KIF6: variants seen among roughly 807,000 people sequenced by gnomAD.
The protein encoded by KIF6 is kinesin family member 6, also known as kinesin-like protein KIF6.
In KIF6, 106 loss-of-function variants were observed where a neutral mutation model predicts 112.7. The observed-to-expected ratio is 0.94, with a 90% CI of 0.80 to 1.11. The LOEUF is 1.11. Among genes scored for constraint, KIF6 ranks in the 50% least tolerant of loss-of-function variants. The probability of loss-of-function intolerance (pLI) is 0.00; values close to 1 mark genes in which losing one functional copy is unlikely to be tolerated. For synonymous variants in KIF6, 339 were observed against 339.9 expected, an observed-to-expected ratio of 1.00 and a Z score of 0.03; for missense variants, 929 against 964.0, an observed-to-expected ratio of 0.96 and a Z score of 0.48.
rs1326236666 is a variant in KIF6, at chr6:39,346,086, C to CTCTCTCTCTCTCTCTCTCTCT, written c.2232-298_2232-297insAGAGAGAGAGAGAGAGAGAGA. Among the ~76,000 whole-genome samples the CTCTCTCTCTCTCTCTCTCTCT allele has an allele frequency of 1.2e-3, 32 of 26,998 alleles. 9 individuals carry two copies. The highest frequency in any genetic ancestry group is 3.3e-3 in the African/African-American group (19 of 5,796). The allele number at this position is 26,998 out of a possible 152,430, so 17.7% of individuals were successfully genotyped here. On this transcript the variant is annotated intron_variant, in intron 20 of 22. Transcript: ENST00000287152. Reference sequence around the variant, plus strand: ...TCTCTCTCTCTCTCTCTCTCTCTCTCCCCCCCCTCTCCCTCCCCCCCTCCC... The same window carrying CTCTCTCTCTCTCTCTCTCTCT: ...TCTCTCTCTCTCTCTCTCTCTCTCTCTCTCTCTCTCTCTCTCTCTCTCCCCCCCTCTCCCTCCCCCCCTCCC...
At position 39,331,440 on chromosome 6, in the gene KIF6, A is replaced by AGTG. The variant is rs1418621393; in HGVS notation, c.*5089_*5091dup. On this transcript the variant is annotated 3_prime_UTR_variant, in exon 23 of 23. Transcript: ENST00000287152. ...GCTCTTGTTGCCCAGGTTGGAGTGC[A>AGTG]GTGGCACGATCTCAGCTCACTGCAA... 6.6e-6 allele frequency: 1 copy of AGTG among 150,648 alleles called. No homozygotes were observed. The highest frequency in any genetic ancestry group is 1.5e-5 in the Non-Finnish European group (1 of 67,908). The allele number at this position is 150,648 out of a possible 1,614,324, so 9.3% of individuals were successfully genotyped here. A position where few individuals can be genotyped will look rare whatever the true frequency, so the allele number is the denominator to read the frequency against.
intron 13 of KIF6, among the ~76,000 whole-genome samples, chr6:39,489,281 C>T (rs1161898265): frequency 1.3e-5 from 2 of 151,942 alleles, no homozygotes; most frequent in Non-Finnish European, 1.5e-5. Flanking sequence ...AACAATTTTC[C>T]AAATTTTGTT....
intron 13 of KIF6, among the ~76,000 whole-genome samples, chr6:39,465,742 A>G (rs1459415146): frequency 2.0e-5 from 3 of 151,772 alleles, no homozygotes; most frequent in African/African-American, 7.3e-5. Context: ...TTCTTCTGCC[A>G]CTCCCCACCA....
intron 3 of KIF6, among the ~76,000 whole-genome samples, chr6:39,705,724 T>A (rs1789167904): frequency 6.6e-6 from 1 of 152,192 alleles, no homozygotes; most frequent in Admixed American, 6.5e-5. Flanking sequence ...GTACCCTGGC[T>A]TCTTTGCCCC....
At chr6:39,616,156 T>C (rs1402344442) in intron 5 of KIF6, among the ~76,000 whole-genome samples, 1 of 152,218 alleles carries the variant, frequency 6.6e-6, no homozygotes, top group Non-Finnish European at 1.5e-5. Flanking sequence ...AATAATTACA[T>C]GCATAAGGTA....
At chr6:39,456,257 A>G (rs1317770786) in intron 13 of KIF6, among the ~76,000 whole-genome samples, 1 of 85,726 alleles carries the variant, frequency 1.2e-5, no homozygotes, top group Non-Finnish European at 2.3e-5. Flanking sequence ...AGAATTTCAT[A>G]TCCAGCCAAA....
chr6:39,385,521 A>G, intron 16 of KIF6, 101 bp downstream of exon 16: 1 of 955,012 alleles, frequency 1.0e-6, no homozygotes, highest in Non-Finnish European at 1.7e-6. Flanking sequence ...AACCTCAGAG[A>G]GGGTTTTAAA....
At chr6:39,388,385 C>T (rs112302088) in intron 15 of KIF6, among the ~76,000 whole-genome samples, 2,861 of 151,884 alleles carry the variant, frequency 0.019, 50 homozygotes, top group Middle Eastern at 0.037. Flanking sequence ...CCACCACAAG[C>T]ATAAATACTC....
At chr6:39,547,572 TA>T (rs1561798053) in intron 10 of KIF6, among the ~76,000 whole-genome samples, 1 of 152,180 alleles carries the variant, frequency 6.6e-6, no homozygotes, top group Admixed American at 6.5e-5. Flanking sequence ...CACCTTTTTT[TA>T]AAAAAATTTG....
chr6:39,375,703 C>T (rs1766387203), intron 16 of KIF6, among the ~76,000 whole-genome samples: 1 of 152,146 alleles, frequency 6.6e-6, no homozygotes. Context: ...CTTTCCTGGG[C>T]CCGCAGCTTG....
chr6:39,554,410 C>A (rs1400337255), intron 10 of KIF6: 1 of 160,320 alleles, frequency 6.2e-6, no homozygotes, highest in South Asian at 1.7e-4. Context: ...AGCTCACCAC[C>A]TGTGGCTGTG....
At chr6:39,569,287 T>C (rs892957380) in intron 10 of KIF6, among the ~76,000 whole-genome samples, 1 of 152,228 alleles carries the variant, frequency 6.6e-6, no homozygotes, top group Non-Finnish European at 1.5e-5. Context: ...ACTAGGACTG[T>C]ATTAACTCAA....
chr6:39,438,537 T>A (rs539126468), intron 13 of KIF6, among the ~76,000 whole-genome samples: 7 of 152,068 alleles, frequency 4.6e-5, no homozygotes, highest in South Asian at 2.1e-4. Context: ...AAATGAAAAA[T>A]TTTTAAAATA....
chr6:39,412,418 G>A (rs1769548237), intron 15 of KIF6, among the ~76,000 whole-genome samples: 1 of 152,200 alleles, frequency 6.6e-6, no homozygotes. Flanking sequence ...CTTTTCAAGA[G>A]TCCCGTGATC....
rs1337868161 is a variant in KIF6, at chr6:39,334,712, T to G, written c.*1820A>C. On this transcript the variant is annotated 3_prime_UTR_variant, in exon 23 of 23. Transcript: ENST00000287152. Reference sequence around the variant, plus strand: ...GGGCACTAAGGCATGCCAAGAATACTGCTGCTGCTACATAGGGGACTGGGG... The same window carrying G: ...GGGCACTAAGGCATGCCAAGAATACGGCTGCTGCTACATAGGGGACTGGGG... The G allele has an allele frequency of 6.6e-6, 1 of 152,342 alleles. No individual in the cohort carries two copies. The highest frequency in any genetic ancestry group is 1.5e-5 in the Non-Finnish European group (1 of 68,154). The allele number at this position is 152,342 out of a possible 1,614,324, so 9.4% of individuals were successfully genotyped here. A position where few individuals can be genotyped will look rare whatever the true frequency, so the allele number is the denominator to read the frequency against.
chr6:39,593,007 T>A, intron 7 of KIF6, among the ~76,000 whole-genome samples: 1 of 152,210 alleles, frequency 6.6e-6, no homozygotes, highest in East Asian at 1.9e-4. Flanking sequence ...GATAGGGATA[T>A]AATTGATTAC....
At chr6:39,555,782 G>A (rs1204382695) in intron 10 of KIF6, among the ~76,000 whole-genome samples, 5 of 151,678 alleles carry the variant, frequency 3.3e-5, no homozygotes, top group South Asian at 2.1e-4. Context: ...CTGAAACCCC[G>A]TCTCTACTAA....
intron 13 of KIF6, among the ~76,000 whole-genome samples, chr6:39,482,368 G>C (rs1456100223): frequency 1.3e-5 from 2 of 152,106 alleles, no homozygotes; most frequent in Non-Finnish European, 2.9e-5. Flanking sequence ...GAGCTGTGAG[G>C]ACACTTGAGT....
intron 13 of KIF6, among the ~76,000 whole-genome samples, chr6:39,497,355 C>T (rs1211073070): frequency 2.6e-5 from 4 of 152,206 alleles, no homozygotes; most frequent in South Asian, 2.1e-4. Context: ...GAAGTCAATG[C>T]TGTTTAAGTC....
Sources: gnomAD v4.1 joint callset for allele counts (sites outside exome capture counted in the v4.1 genomes callset) on GRCh38, gnomAD v4.1.1 for gene constraint, MANE v1.5 for transcripts, NCBI Gene and HGNC (gene_info 2026-07-23, HGNC 2026-07-21) for gene names.